SHISA9: variants seen among roughly 807,000 people sequenced by gnomAD.
SHISA9 encodes the protein protein shisa-9.
In SHISA9, 13 loss-of-function variants were observed where a neutral mutation model predicts 38.0. The observed-to-expected ratio is 0.34, with a 90% CI of 0.22 to 0.54. SHISA9 has a LOEUF of 0.54. Among genes scored for constraint, SHISA9 ranks in the 20% least tolerant of loss-of-function variants. The pLI, the probability that SHISA9 is intolerant of heterozygous loss-of-function variation, is 0.91. For synonymous variants in SHISA9, 275 were observed against 242.0 expected (o/e 1.14, Z -1.27); for missense variants, 538 against 575.8 (o/e 0.93, Z 0.67).
At chr16:13,384,699 AG>A in the SHISA9 span, among the ~76,000 whole-genome samples, 1 of 152,248 alleles carries the variant, frequency 6.6e-6, no homozygotes, top group South Asian at 2.1e-4. Context: ...AATGAAGAGA[AG>A]TTCAATTCCA....
chr16:13,089,479 G>T (rs62028918), intron 2 of SHISA9, among the ~76,000 whole-genome samples: 1 of 152,016 alleles, frequency 6.6e-6, no homozygotes, highest in Non-Finnish European at 1.5e-5. Context: ...CAATTACAGA[G>T]CCTGTTATTG....
At chr16:13,265,934 A>T in the SHISA9 span, among the ~76,000 whole-genome samples, 2 of 152,200 alleles carry the variant, frequency 1.3e-5, no homozygotes, top group African/African-American at 4.8e-5. Context: ...ACTCAAATTC[A>T]TCTTTATCTG....
At chr16:12,969,422 A>G (rs968231615) in intron 2 of SHISA9, among the ~76,000 whole-genome samples, 1 of 150,242 alleles carries the variant, frequency 6.7e-6, no homozygotes, top group Non-Finnish European at 1.5e-5. Flanking sequence ...CACTCCTTGC[A>G]CTTATAAAGT....
chr16:13,094,913 A>G (rs1233087250), intron 2 of SHISA9, among the ~76,000 whole-genome samples: 1 of 152,218 alleles, frequency 6.6e-6, no homozygotes, highest in Non-Finnish European at 1.5e-5. Context: ...TGTTATAAAA[A>G]TTAACAATAA....
chr16:13,035,955 A>ATACC (rs1316987705), intron 2 of SHISA9, among the ~76,000 whole-genome samples: 4 of 152,208 alleles, frequency 2.6e-5, no homozygotes, highest in Non-Finnish European at 5.9e-5. Flanking sequence ...CCACAATAAG[A>ATACC]TACCACCCAT....
chr16:13,039,429 C>A (rs537728999), intron 2 of SHISA9, among the ~76,000 whole-genome samples: 18 of 151,742 alleles, frequency 1.2e-4, no homozygotes, highest in African/African-American at 3.6e-4. Flanking sequence ...ATGGTCTCAT[C>A]CCCAGCTTCA....
intron 2 of SHISA9, among the ~76,000 whole-genome samples, chr16:13,021,522 T>C (rs2072853807): frequency 6.6e-6 from 1 of 152,102 alleles, no homozygotes; most frequent in South Asian, 2.1e-4. Flanking sequence ...CACCCACTAG[T>C]AAAACGTGGC....
the SHISA9 span, among the ~76,000 whole-genome samples, chr16:13,530,230 G>A: frequency 2.0e-5 from 3 of 152,210 alleles, no homozygotes; most frequent in African/African-American, 7.2e-5. Context: ...GAACCCGGGA[G>A]GCAGAGGTTG....
the SHISA9 span, among the ~76,000 whole-genome samples, chr16:13,484,483 C>T: frequency 6.6e-6 from 1 of 152,150 alleles, no homozygotes; most frequent in Non-Finnish European, 1.5e-5. Context: ...AGCTCCAACT[C>T]ACAGCCAAAT....
the SHISA9 span, among the ~76,000 whole-genome samples, chr16:13,382,367 A>C: frequency 6.6e-6 from 1 of 151,836 alleles, no homozygotes; most frequent in Non-Finnish European, 1.5e-5. Context: ...GTCTCTACTA[A>C]AAATACAAAA....
At chr16:13,107,512 C>T (rs1028209679) in intron 2 of SHISA9, among the ~76,000 whole-genome samples, 6 of 131,018 alleles carry the variant, frequency 4.6e-5, no homozygotes, top group Non-Finnish European at 8.2e-5. Context: ...CACACACACA[C>T]ACAGAGTTAA....
chr16:12,962,186 A>G (rs1480264120), intron 2 of SHISA9, among the ~76,000 whole-genome samples: 1 of 152,142 alleles, frequency 6.6e-6, no homozygotes, highest in Non-Finnish European at 1.5e-5. Flanking sequence ...CATACACATG[A>G]TCTCAAATTC....
At chr16:13,066,973 T>C (rs1201693556) in intron 2 of SHISA9, among the ~76,000 whole-genome samples, 3 of 152,164 alleles carry the variant, frequency 2.0e-5, no homozygotes, top group Non-Finnish European at 4.4e-5. Flanking sequence ...GTATTTCTAC[T>C]GTATTGGGCT....
intron 2 of SHISA9, among the ~76,000 whole-genome samples, chr16:12,931,838 T>A (rs977553022): frequency 2.6e-5 from 4 of 152,194 alleles, no homozygotes; most frequent in African/African-American, 9.7e-5. Flanking sequence ...AAACACCATA[T>A]GAGGCATACT....
At chr16:13,110,928 AT>A (rs1462224590) in intron 2 of SHISA9, among the ~76,000 whole-genome samples, 1 of 152,212 alleles carries the variant, frequency 6.6e-6, no homozygotes, top group East Asian at 1.9e-4. Context: ...GGCTTCTAAG[AT>A]TTAACTGTAG....
the SHISA9 span, among the ~76,000 whole-genome samples, chr16:13,406,978 G>A: frequency 7.1e-6 from 1 of 140,096 alleles, no homozygotes; most frequent in African/African-American, 2.7e-5. Context: ...TGAGGCAGAA[G>A]AATCGCTTGA....
At chr16:13,288,524 G>C in the SHISA9 span, among the ~76,000 whole-genome samples, 4 of 152,054 alleles carry the variant, frequency 2.6e-5, 1 homozygote, top group Admixed American at 6.6e-5. Flanking sequence ...GGCCAGGTGG[G>C]GTGGCTCACT....
intron 2 of SHISA9, among the ~76,000 whole-genome samples, chr16:13,200,186 T>A (rs2050990799): frequency 6.6e-6 from 1 of 152,112 alleles, no homozygotes; most frequent in Non-Finnish European, 1.5e-5. Context: ...TTCTTCTTGT[T>A]CTCTAACTCC....
At chr16:12,902,703 A>T in intron 1 of SHISA9, 76 bp downstream of exon 1, 1 of 1,372,982 alleles carries the variant, frequency 7.3e-7, no homozygotes, top group Non-Finnish European at 9.7e-7. Flanking sequence ...CCCCCAGGCA[A>T]TGGCGCTCCC....
Sources: gnomAD v4.1 joint callset for allele counts (sites outside exome capture counted in the v4.1 genomes callset) on GRCh38, gnomAD v4.1.1 for gene constraint, MANE v1.5 for transcripts, NCBI Gene and HGNC (gene_info 2026-07-23, HGNC 2026-07-21) for gene names.